Variants in SLC9C1 observed in about 807,000 individuals in gnomAD.
The protein encoded by SLC9C1 is solute carrier family 9 member C1.
Under a neutral mutation model 140.9 loss-of-function variants are expected in SLC9C1, and 97 were observed. The observed-to-expected ratio is 0.69, with a 90% CI of 0.58 to 0.82. The LOEUF (loss-of-function observed/expected upper bound fraction) is 0.82, where lower values mean the gene tolerates loss of function less well. Among genes scored for constraint, SLC9C1 ranks in the 40% least tolerant of loss-of-function variants. The pLI, the probability that SLC9C1 is intolerant of heterozygous loss-of-function variation, is 0.00. For missense variants in SLC9C1, 1,340 were observed against 1,389.3 expected (o/e 0.96, Z 0.56); for synonymous variants, 440 against 442.6 (o/e 0.99, Z 0.07).
chr3:112,182,156 T>C lies in SLC9C1; in HGVS notation c.2626A>G (p.Lys876Glu), dbSNP rs756978036. 1.3e-6 allele frequency: 2 copies of C among 1,572,722 alleles called. No homozygotes were observed. The highest frequency in any genetic ancestry group is 2.3e-5 in the East Asian group (1 of 43,822). ...LYHIPWLDKN[K>E]DYINFIQEKA... Reference sequence around the variant, plus strand: ...ACCTGAATGAAGTTTATATAATCTTTGTTTTTATCTAGCCACGGAATATGA... The same window carrying C: ...ACCTGAATGAAGTTTATATAATCTTCGTTTTTATCTAGCCACGGAATATGA... The change falls in exon 21 of 29, where the codon AAA (lysine) becomes GAA (glutamate). Residue 876 changes from lysine to glutamate, a missense_variant. Physicochemically the swap from Lys to Glu is moderately conservative, Grantham distance 56. Coordinates refer to ENST00000305815, the MANE Select transcript of SLC9C1 (RefSeq NM_183061.3).
chr3:112,149,783 CT>C (rs2074905737), intron 28 of SLC9C1, among the ~76,000 whole-genome samples: 1 of 152,028 alleles, frequency 6.6e-6, no homozygotes, highest in Non-Finnish European at 1.5e-5. Flanking sequence ...TGAGATCTGC[CT>C]GGGTGGGGAG....
intron 17 of SLC9C1, among the ~76,000 whole-genome samples, chr3:112,203,925 G>A (rs1195691671): frequency 6.6e-6 from 1 of 151,774 alleles, no homozygotes; most frequent in Non-Finnish European, 1.5e-5. Context: ...ACATTACATG[G>A]AGGTTAACTT....
intron 1 of SLC9C1, among the ~76,000 whole-genome samples, chr3:112,290,426 T>C (rs2080644499): frequency 6.6e-6 from 1 of 152,218 alleles, no homozygotes; most frequent in African/African-American, 2.4e-5. Flanking sequence ...AGAGTGGTTA[T>C]TGTGATTTCA....
rs772609816 is a variant in SLC9C1, at chr3:112,199,433, G to A, written c.2411C>T (p.Thr804Ile). The A allele has an allele frequency of 1.3e-5, 21 of 1,594,996 alleles. No homozygotes were observed. The highest frequency in any genetic ancestry group is 8.5e-7 in the Non-Finnish European group (1 of 1,171,964). ...ATTAATTTCTTCCTTTGTTTTCACA[G>A]TGACAGCAATTTCTGGGTGATCATA... ...LEYDHPEIAV[T>I]VKTKEEINVM... Residue 804 changes from threonine (T) to isoleucine (I), a missense_variant, in exon 20 of 29, where the codon ACT (threonine) becomes ATT (isoleucine). Thr to Ile is a moderately conservative substitution (Grantham distance 89). Transcript: ENST00000305815.
chr3:112,246,312 TCA>T (rs1244605467), intron 10 of SLC9C1, among the ~76,000 whole-genome samples: 2 of 152,140 alleles, frequency 1.3e-5, no homozygotes, highest in African/African-American at 4.8e-5. Flanking sequence ...ACTGGCACCT[TCA>T]CCTGCACCAT....
chr3:112,236,165 A>C (rs1395052138), intron 12 of SLC9C1, among the ~76,000 whole-genome samples: 3 of 152,036 alleles, frequency 2.0e-5, no homozygotes, highest in South Asian at 2.1e-4. Context: ...TTGGTCTATT[A>C]AGAGATTTAA....
At chr3:112,272,210 G>A (rs2080097452) in intron 6 of SLC9C1, among the ~76,000 whole-genome samples, 1 of 152,160 alleles carries the variant, frequency 6.6e-6, no homozygotes, top group South Asian at 2.1e-4. Context: ...GAAACATACA[G>A]GAATCTGGAG....
intron 23 of SLC9C1, among the ~76,000 whole-genome samples, chr3:112,176,659 A>G (rs1448231898): frequency 6.6e-6 from 1 of 152,140 alleles, no homozygotes; most frequent in Non-Finnish European, 1.5e-5. Context: ...TTCTTCTGAA[A>G]ATTGTTGATT....
At chr3:112,223,658 CAGCA>C in intron 13 of SLC9C1, among the ~76,000 whole-genome samples, 1 of 152,052 alleles carries the variant, frequency 6.6e-6, no homozygotes, top group African/African-American at 2.4e-5. Flanking sequence ...AGAAATTAAA[CAGCA>C]AGAGAGGAGT....
intron 12 of SLC9C1, among the ~76,000 whole-genome samples, chr3:112,239,033 C>G (rs1429406240): frequency 6.6e-6 from 1 of 152,212 alleles, no homozygotes; most frequent in Admixed American, 6.5e-5. Context: ...GCCTTTTGTT[C>G]AGCTATGCCC....
chr3:112,218,173 GGT>G (rs1491221524), intron 14 of SLC9C1, among the ~76,000 whole-genome samples: 2 of 29,282 alleles, frequency 6.8e-5, no homozygotes, highest in African/African-American at 1.7e-4. Context: ...CTTTCTGCTA[GGT>G]TTTTTTTTTT....
chr3:112,198,184 T>G (rs1209959046), intron 20 of SLC9C1, among the ~76,000 whole-genome samples: 1 of 152,010 alleles, frequency 6.6e-6, no homozygotes, highest in African/African-American at 2.4e-5. Flanking sequence ...TATTTTATAT[T>G]AGGTTCATAG....
intron 1 of SLC9C1, among the ~76,000 whole-genome samples, chr3:112,292,265 G>A (rs2080705772): frequency 6.6e-6 from 1 of 152,094 alleles, no homozygotes; most frequent in African/African-American, 2.4e-5. Context: ...GAACATGAAA[G>A]TTAAATTATA....
At chr3:112,216,554 A>T (rs1246576196) in intron 15 of SLC9C1, among the ~76,000 whole-genome samples, 1 of 151,550 alleles carries the variant, frequency 6.6e-6, no homozygotes, top group Non-Finnish European at 1.5e-5. Flanking sequence ...AATGATATGA[A>T]CAGACACTTC....
At chr3:112,216,228 T>C (rs371398864) in intron 15 of SLC9C1, among the ~76,000 whole-genome samples, 3 of 152,182 alleles carry the variant, frequency 2.0e-5, no homozygotes, top group African/African-American at 4.8e-5. Context: ...AAGACTTAAA[T>C]GTTAGACCTA....
At chr3:112,159,013 A>C (rs974848864) in intron 26 of SLC9C1, among the ~76,000 whole-genome samples, 1 of 150,956 alleles carries the variant, frequency 6.6e-6, no homozygotes, top group South Asian at 2.1e-4. Context: ...ATTTCTGCTC[A>C]TTTATTATTT....
At chr3:112,214,460 T>G (rs1243374444) in intron 15 of SLC9C1, among the ~76,000 whole-genome samples, 1 of 151,880 alleles carries the variant, frequency 6.6e-6, no homozygotes, top group East Asian at 1.9e-4. Flanking sequence ...GATAGACCAC[T>G]AGCAAGACTA....
At chr3:112,223,458 C>G (rs2078595832) in intron 13 of SLC9C1, among the ~76,000 whole-genome samples, 1 of 152,098 alleles carries the variant, frequency 6.6e-6, no homozygotes, top group Non-Finnish European at 1.5e-5. Flanking sequence ...CGTGTCTACT[C>G]TAAAAGTACA....
Position 112,221,141 on chromosome 3 carries a change from C to T in SLC9C1, c.1657G>A (p.Glu553Lys), listed in dbSNP as rs1035730818. 3.1e-6 allele frequency: 5 copies of T among 1,613,518 alleles called. No individual in the cohort carries two copies. The highest frequency in any genetic ancestry group is 4.2e-6 in the Non-Finnish European group (5 of 1,179,628). The part of the protein sequence containing the change: ...VLVGAAESFG[E>K]KKGKCMSLDT... ...GAATATACTTACTTTCCCTTCTTCT[C>T]ACCAAAACTTTCTGCTGCACCAACC... Residue 553 changes from glutamate to lysine, a missense_variant, in exon 14 of 29, where the codon GAG becomes AAG. Glu to Lys is a moderately conservative substitution (Grantham distance 56). Transcript: ENST00000305815.
Sources: allele counts gnomAD v4.1 joint callset (sites outside exome capture counted in the v4.1 genomes callset), GRCh38; gene constraint gnomAD v4.1.1; transcripts MANE v1.5; gene names NCBI Gene and HGNC (gene_info 2026-07-23, HGNC 2026-07-21).